The following TRDN variants were observed in gnomAD, a reference collection of about 807,000 sequenced individuals.
The protein encoded by TRDN is triadin in skeletal muscle.
TRDN carries 161 observed loss-of-function variants against 149.7 expected under a neutral mutation model. That is an observed-to-expected ratio of 1.08 (90% confidence interval 0.95 to 1.23). TRDN has a LOEUF of 1.23. TRDN is among the 50% of genes most tolerant of loss of function. The pLI is 0.00. For synonymous variants in TRDN, 294 were observed against 250.5 expected (o/e 1.17, Z -1.64); for missense variants, 896 against 823.5 (o/e 1.09, Z -1.08).
intron 12 of TRDN, among the ~76,000 whole-genome samples, chr6:123,413,763 A>T (rs1337041697): frequency 6.6e-6 from 1 of 152,128 alleles, no homozygotes; most frequent in Non-Finnish European, 1.5e-5. Context: ...CTTGCCTATT[A>T]TAACAGACAT....
chr6:123,599,379 G>A (rs528992275), intron 1 of TRDN, among the ~76,000 whole-genome samples: 3 of 152,106 alleles, frequency 2.0e-5, no homozygotes, highest in Non-Finnish European at 4.4e-5. Context: ...CACAACTGAT[G>A]CTAAACTCAT....
At chr6:123,313,556 C>T (rs572717585) in intron 24 of TRDN, among the ~76,000 whole-genome samples, 102 of 151,958 alleles carry the variant, frequency 6.7e-4, no homozygotes, top group Admixed American at 3.8e-3. Flanking sequence ...CCACTCCAAT[C>T]CCTAGTCACC....
intron 24 of TRDN, among the ~76,000 whole-genome samples, chr6:123,307,925 T>C (rs1235177598): frequency 6.6e-6 from 1 of 152,106 alleles, no homozygotes; most frequent in Non-Finnish European, 1.5e-5. Context: ...TATCGTGTGA[T>C]ACTGTGGTTT....
At chr6:123,335,741 CAT>C (rs1779837064) in intron 22 of TRDN, among the ~76,000 whole-genome samples, 2 of 152,078 alleles carry the variant, frequency 1.3e-5, no homozygotes, top group Admixed American at 1.3e-4. Flanking sequence ...TGAACAATAA[CAT>C]GTGGTTCAAG....
chr6:123,542,362 A>T (rs1174525203), intron 4 of TRDN, among the ~76,000 whole-genome samples: 1 of 152,192 alleles, frequency 6.6e-6, no homozygotes, highest in East Asian at 1.9e-4. Flanking sequence ...CCATAAGGCC[A>T]CCATGGTCCT....
chr6:123,269,828 G>C (rs747986124), intron 31 of TRDN, 21 bp downstream of exon 31: 2 of 1,608,786 alleles, frequency 1.2e-6, no homozygotes, highest in Admixed American at 1.7e-5. Context: ...TTTCTCAGGT[G>C]TTATTCTATT....
chr6:123,313,362 T>C (rs1192085229), intron 24 of TRDN, among the ~76,000 whole-genome samples: 1 of 151,974 alleles, frequency 6.6e-6, no homozygotes, highest in South Asian at 2.1e-4. Flanking sequence ...GGGAAGATGG[T>C]ACTCTGACTT....
chr6:123,541,109 C>T (rs1235651890), intron 4 of TRDN, among the ~76,000 whole-genome samples: 1 of 152,180 alleles, frequency 6.6e-6, no homozygotes, highest in Non-Finnish European at 1.5e-5. Context: ...TTCCCCCTCA[C>T]ATCCTTTTCT....
intron 1 of TRDN, among the ~76,000 whole-genome samples, chr6:123,623,505 G>A (rs1785500758): frequency 1.3e-5 from 2 of 152,112 alleles, no homozygotes; most frequent in South Asian, 4.2e-4. Context: ...TAATTATTTT[G>A]CAATCTTTAG....
chr6:123,352,019 C>T (rs1201108349), intron 21 of TRDN: 3 of 977,714 alleles, frequency 3.1e-6, no homozygotes, highest in Non-Finnish European at 2.4e-6. Flanking sequence ...ATTTATAACA[C>T]TGAAATTTCA....
chr6:123,510,642 C>CTTT (rs145396385), intron 7 of TRDN, among the ~76,000 whole-genome samples: 7 of 138,482 alleles, frequency 5.1e-5, no homozygotes, highest in Non-Finnish European at 9.3e-5. Context: ...TGCATGACCA[C>CTTT]TTTTTTTTTT....
At chr6:123,472,171 G>C (rs770515975) in intron 9 of TRDN, among the ~76,000 whole-genome samples, 1 of 152,288 alleles carries the variant, frequency 6.6e-6, no homozygotes, top group East Asian at 1.9e-4. Context: ...CTGAGGTACC[G>C]GGTTCATCTC....
At chr6:123,353,581 A>AC (rs1298757502) in intron 20 of TRDN, among the ~76,000 whole-genome samples, 1 of 151,768 alleles carries the variant, frequency 6.6e-6, no homozygotes, top group African/African-American at 2.4e-5. Context: ...AAATAATTAG[A>AC]CCAATCAAAA....
intron 9 of TRDN, among the ~76,000 whole-genome samples, chr6:123,475,677 G>T (rs1431743838): frequency 8.9e-6 from 1 of 111,832 alleles, no homozygotes; most frequent in Non-Finnish European, 1.8e-5. Context: ...CTGGCAAAAC[G>T]AATCCAGCAG....
chr6:123,331,967 C>A (rs1779675432), intron 22 of TRDN, 38 bp from the exon 23 acceptor site: 1 of 1,473,160 alleles, frequency 6.8e-7, no homozygotes, highest in African/African-American at 1.4e-5. Context: ...GAAGCCAAGA[C>A]AAAGAGATTT....
At chr6:123,560,223 T>C (rs896737807) in intron 2 of TRDN, among the ~76,000 whole-genome samples, 5 of 152,146 alleles carry the variant, frequency 3.3e-5, no homozygotes, top group African/African-American at 7.2e-5. Flanking sequence ...CTATTTTCTT[T>C]CTCACACCGG....
intron 1 of TRDN, among the ~76,000 whole-genome samples, chr6:123,587,759 C>A (rs6902168): frequency 6.7e-6 from 1 of 148,470 alleles, no homozygotes; most frequent in Non-Finnish European, 1.5e-5. Flanking sequence ...GTAGGTAAAG[C>A]AAAAGGGGGG....
chr6:123,376,413 T>C (rs918661695), intron 18 of TRDN, among the ~76,000 whole-genome samples: 2 of 152,166 alleles, frequency 1.3e-5, no homozygotes, highest in African/African-American at 4.8e-5. Context: ...AAGTCTTCTG[T>C]TTTTAAATTT....
rs75550050 is a variant in TRDN, at chr6:123,607,026, G to T, written c.22+29728C>A. 0.012 allele frequency among the ~76,000 whole-genome samples: 1,780 copies of T among 152,230 alleles called. 73 individuals carry two copies. The East Asian group carries it at 0.17, about 15-fold the overall frequency. ...GTTTTTGCCTTTGCCTCCACTGAAA[G>T]AATCTTGAGGGTTCTCTTCTTACAA... On this transcript the variant is annotated intron_variant, in intron 1 of 40. Transcript: ENST00000334268.
Sources: allele counts gnomAD v4.1 joint callset (sites outside exome capture counted in the v4.1 genomes callset), GRCh38; gene constraint gnomAD v4.1.1; transcripts MANE v1.5; gene names NCBI Gene and HGNC (gene_info 2026-07-23, HGNC 2026-07-21).